The following UBE3C variants were observed in gnomAD, a reference collection of about 807,000 sequenced individuals.
The protein encoded by UBE3C is ubiquitin-protein ligase E3C.
UBE3C carries 42 observed loss-of-function variants against 129.4 expected under a neutral mutation model. The ratio of observed to expected loss-of-function variants is 0.32; its 90% CI spans 0.25 to 0.42. UBE3C has a LOEUF of 0.42. UBE3C is among the 10% of genes least tolerant of loss of function. The pLI is 1.00. For missense variants in UBE3C, 1,049 were observed against 1,319.1 expected (o/e 0.80, Z 3.17); for synonymous variants, 510 against 492.4 (o/e 1.04, Z -0.47).
rs756692650 is a variant in UBE3C, at chr7:157,201,820, C to T, written c.1418+13C>T. On this transcript the variant is annotated intron_variant, in intron 11 of 22. Coordinates refer to ENST00000348165, the MANE Select transcript of UBE3C (RefSeq NM_014671.3). Reference sequence around the variant, plus strand: ...GGATGATCACAGGGTATGTATTATACAGACTTATAAATTGAGCTCAAGGGC... The same window carrying T: ...GGATGATCACAGGGTATGTATTATATAGACTTATAAATTGAGCTCAAGGGC... 1.5e-5 allele frequency: 24 copies of T among 1,596,070 alleles called. 1 individual carries two copies. In the South Asian group the frequency reaches 2.4e-4, roughly 16 times the overall value.
intron 1 of UBE3C, among the ~76,000 whole-genome samples, chr7:157,154,215 G>T (rs1315651874): frequency 6.6e-6 from 1 of 151,840 alleles, no homozygotes; most frequent in African/African-American, 2.4e-5. Flanking sequence ...CAGCAACTTG[G>T]GAGACTGAGG....
rs547706253 is a variant in UBE3C at position 157,259,211 on chromosome 7, G to T, written c.3081+2167G>T. Among the ~76,000 whole-genome samples the T allele has an allele frequency of 3.9e-5, 6 of 152,378 alleles. No homozygotes were observed. The South Asian group carries it at 1.2e-3, about 32-fold the overall frequency. ...CAGCGCTCAGTGGGAGCGGAGCCCC[G>T]CAGTCACGTTGTGACCAGCTCTTCA... On this transcript the variant is annotated intron_variant, in intron 22 of 22. Coordinates refer to ENST00000348165, the MANE Select transcript of UBE3C (RefSeq NM_014671.3).
intron 2 of UBE3C, among the ~76,000 whole-genome samples, chr7:157,167,975 A>G (rs572027744): frequency 5.3e-5 from 8 of 152,304 alleles, no homozygotes; most frequent in African/African-American, 1.9e-4. Flanking sequence ...TGAAAATTGG[A>G]ATTTTCTCTT....
chr7:157,183,989 C>G lies in UBE3C; in HGVS notation c.1103C>G (p.Ser368Cys). The stretch of plus-strand genomic sequence containing the variant: ...AGCTGTCACGACTCAGCCAGTGACT[C>G]TGAGGAGGAGAGTGAAGAAGCCGAC... Reference protein sequence around the residue: ...SASCHDSASDSEEESEEADKP... With the variant: ...SASCHDSASDCEEESEEADKP... The change falls in exon 9 of 23, where the codon TCT becomes TGT. Residue 368 changes from serine (S) to cysteine (C), a missense_variant. Transcript: ENST00000348165. 2 of 1,614,198 alleles carry G rather than the reference C, an allele frequency of 1.2e-6. No homozygotes were observed. The highest frequency in any genetic ancestry group is 8.5e-7 in the Non-Finnish European group (1 of 1,180,040).
intron 10 of UBE3C, among the ~76,000 whole-genome samples, chr7:157,187,707 G>C (rs922640777): frequency 6.6e-6 from 1 of 151,922 alleles, no homozygotes; most frequent in African/African-American, 2.4e-5. Flanking sequence ...CTCCCGAGTA[G>C]CTGGGACTAC....
At chr7:157,242,714 G>C (rs948422783) in intron 18 of UBE3C, among the ~76,000 whole-genome samples, 13 of 151,892 alleles carry the variant, frequency 8.6e-5, no homozygotes, top group Non-Finnish European at 1.9e-4. Flanking sequence ...GGGTTTCTGT[G>C]TTTTGGAGCC....
Position 157,210,379 on chromosome 7 carries a change from C to CA in UBE3C, c.1809+2445dup, listed in dbSNP as rs372163132. ...TGAGCTGAGCCCCCAAAATAAAAAT[C>CA]ACTGCATAATTTTTGAGTAATCAGC... is the stretch of plus-strand genomic sequence containing the variant. On this transcript the variant is annotated intron_variant, in intron 13 of 22. Transcript: ENST00000348165. Among the ~76,000 whole-genome samples, 744 of 152,054 alleles carry CA rather than the reference C, an allele frequency of 4.9e-3. 10 individuals are homozygous for CA. The highest frequency in any genetic ancestry group is 0.015 in the African/African-American group (623 of 41,474).
intron 1 of UBE3C, among the ~76,000 whole-genome samples, chr7:157,144,231 G>A (rs956741476): frequency 6.6e-6 from 1 of 152,208 alleles, no homozygotes. Flanking sequence ...GGGAGTTCAA[G>A]GCTGCAGTGA....
At chr7:157,168,474 A>G (rs768940804) in intron 2 of UBE3C, among the ~76,000 whole-genome samples, 17 of 152,234 alleles carry the variant, frequency 1.1e-4, no homozygotes, top group Non-Finnish European at 2.1e-4. Flanking sequence ...CTGTATCCAC[A>G]ACAAAACTTA....
intron 1 of UBE3C, among the ~76,000 whole-genome samples, chr7:157,151,305 C>T (rs925534698): frequency 1.3e-5 from 2 of 152,200 alleles, no homozygotes; most frequent in African/African-American, 4.8e-5. Flanking sequence ...TACCTCTTAC[C>T]TTCTGTATCA....
intron 22 of UBE3C, among the ~76,000 whole-genome samples, chr7:157,267,151 C>T (rs185620423): frequency 1.6e-4 from 25 of 152,180 alleles, no homozygotes; most frequent in Middle Eastern, 3.4e-3. Flanking sequence ...GGGCCAGGCA[C>T]GGTGGCTCAC....
chr7:157,150,274 G>A (rs775984348), intron 1 of UBE3C, among the ~76,000 whole-genome samples: 2 of 152,056 alleles, frequency 1.3e-5, no homozygotes, highest in Non-Finnish European at 2.9e-5. Context: ...AGCTACTTGG[G>A]AGGCAGAGGC....
intron 13 of UBE3C, among the ~76,000 whole-genome samples, chr7:157,213,610 A>C (rs576041374): frequency 1.3e-5 from 2 of 152,360 alleles, no homozygotes; most frequent in African/African-American, 4.8e-5. Flanking sequence ...GAATGTGGAA[A>C]AAAGGAATGT....
At chr7:157,225,675 A>G in intron 17 of UBE3C, 136 bp downstream of exon 17, 2 of 1,023,968 alleles carry the variant, frequency 2.0e-6, no homozygotes, top group South Asian at 2.0e-5. Context: ...GAGGCTGGGC[A>G]TGGCAGCTCA....
chr7:157,156,555 C>T (rs1450427585), intron 1 of UBE3C, among the ~76,000 whole-genome samples: 1 of 151,854 alleles, frequency 6.6e-6, no homozygotes, highest in East Asian at 1.9e-4. Context: ...GATCCACTAC[C>T]CTGGCCTCCA....
intron 8 of UBE3C, 43 bp from the exon 9 acceptor site, chr7:157,183,835 T>A (rs954416504): frequency 3.4e-5 from 54 of 1,571,786 alleles, no homozygotes; most frequent in Non-Finnish European, 4.4e-5. Context: ...TTTTAAAAAA[T>A]AATGTTTAAC....
intron 8 of UBE3C, among the ~76,000 whole-genome samples, chr7:157,183,656 A>G (rs954803752): frequency 2.0e-5 from 3 of 152,208 alleles, no homozygotes; most frequent in Non-Finnish European, 4.4e-5. Flanking sequence ...ATGAATAACA[A>G]GAGACTCTTT....
At chr7:157,230,445 C>G (rs1584805386) in intron 17 of UBE3C, among the ~76,000 whole-genome samples, 1 of 151,204 alleles carries the variant, frequency 6.6e-6, no homozygotes, top group East Asian at 2.0e-4. Flanking sequence ...GCCTGTAATC[C>G]CAGCACTTTG....
chr7:157,169,176 A>T, intron 3 of UBE3C, 54 bp downstream of exon 3: 1 of 1,408,852 alleles, frequency 7.1e-7, no homozygotes, highest in Admixed American at 1.7e-5. Context: ...GCTTATTTTA[A>T]ATATGGTATC....
Sources: gnomAD v4.1 joint callset for allele counts (sites outside exome capture counted in the v4.1 genomes callset) on GRCh38, gnomAD v4.1.1 for gene constraint, MANE v1.5 for transcripts, NCBI Gene and HGNC (gene_info 2026-07-23, HGNC 2026-07-21) for gene names.